The following LUZP2 variants were observed in gnomAD, a reference collection of about 807,000 sequenced individuals.
LUZP2 encodes leucine zipper protein 2.
A neutral mutation model predicts 51.6 loss-of-function variants in LUZP2; 52 were observed. The observed-to-expected ratio is 1.01, with a 90% CI of 0.81 to 1.27. LUZP2 has a LOEUF of 1.27. LUZP2 is among the 50% of genes most tolerant of loss of function. The pLI, the probability that LUZP2 is intolerant of heterozygous loss-of-function variation, is 0.00. For synonymous variants in LUZP2, 154 were observed against 137.3 expected, an observed-to-expected ratio of 1.12 and a Z score of -0.85; for missense variants, 436 against 395.4, an observed-to-expected ratio of 1.10 and a Z score of -0.87.
intron 4 of LUZP2, among the ~76,000 whole-genome samples, chr11:24,755,994 G>A (rs1004531910): frequency 1.3e-5 from 2 of 152,056 alleles, no homozygotes; most frequent in African/African-American, 2.4e-5. Context: ...AGAGACGTTT[G>A]CCATCTATTC....
intron 10 of LUZP2, among the ~76,000 whole-genome samples, chr11:25,053,247 C>A (rs553210769): frequency 1.8e-4 from 28 of 152,048 alleles, no homozygotes; most frequent in Admixed American, 5.9e-4. Flanking sequence ...ATAATTACAT[C>A]ATCATTATCA....
At chr11:24,607,979 G>A (rs866010910) in intron 1 of LUZP2, among the ~76,000 whole-genome samples, 1 of 152,042 alleles carries the variant, frequency 6.6e-6, no homozygotes, top group Non-Finnish European at 1.5e-5. Context: ...CTCCCGAGTA[G>A]CTGGGACTAC....
intron 1 of LUZP2, among the ~76,000 whole-genome samples, chr11:24,538,611 C>T (rs1422750109): frequency 2.7e-5 from 4 of 150,344 alleles, no homozygotes; most frequent in South Asian, 4.2e-4. Flanking sequence ...AACTATTCTA[C>T]AAAATACACA....
chr11:25,078,541 T>C lies in LUZP2; in HGVS notation c.937-13T>C. ...TTGATTCTTCGAATTGTCTTTTCTG[T>C]ATTGTTTAACAGAAATTGCAAATGC... On this transcript the variant is annotated splice_polypyrimidine_tract_variant and intron_variant, in intron 11 of 11. Coordinates refer to ENST00000336930, the MANE Select transcript of LUZP2 (RefSeq NM_001009909.4). 1 of 1,599,134 alleles carries C rather than the reference T, an allele frequency of 6.3e-7. No individual in the cohort carries two copies. The highest frequency in any genetic ancestry group is 8.5e-7 in the Non-Finnish European group (1 of 1,169,736).
chr11:24,837,542 T>C (rs11028208), intron 5 of LUZP2, among the ~76,000 whole-genome samples: 2,074 of 151,870 alleles, frequency 0.014, 52 homozygotes, highest in East Asian at 0.13. Flanking sequence ...TCTGCATTTT[T>C]AAAATAACTT....
intron 1 of LUZP2, among the ~76,000 whole-genome samples, chr11:24,516,644 C>G (rs12288442): frequency 0.26 from 38,876 of 151,932 alleles, 7,064 homozygotes; most frequent in African/African-American, 0.52. Flanking sequence ...TGAAGTTTTT[C>G]TGTGAGAAAG....
At chr11:24,925,291 T>G (rs956569549) in intron 7 of LUZP2, among the ~76,000 whole-genome samples, 1 of 152,070 alleles carries the variant, frequency 6.6e-6, no homozygotes, top group Non-Finnish European at 1.5e-5. Flanking sequence ...ACCCCCATCT[T>G]CTCATCTTGG....
chr11:24,534,458 A>G (rs1176502277), intron 1 of LUZP2, among the ~76,000 whole-genome samples: 2 of 149,052 alleles, frequency 1.3e-5, no homozygotes, highest in Admixed American at 1.4e-4. Flanking sequence ...AGAAAGATAG[A>G]GCATAAGCTA....
rs201006603 is a variant in LUZP2 at position 24,602,252 on chromosome 11, A to C, written c.62+104947A>C. ...CATATATGTGTATATATGTATATAT[A>C]TGCAAACATATATGTACATACATAT... On this transcript the variant is annotated intron_variant, in intron 1 of 11. Coordinates refer to ENST00000336930, the MANE Select transcript of LUZP2 (RefSeq NM_001009909.4). Among the ~76,000 whole-genome samples the C allele has an allele frequency of 2.0e-3, 159 of 80,144 alleles. 2 individuals carry two copies. The highest frequency in any genetic ancestry group is 0.018 in the East Asian group (77 of 4,346). The allele number at this position is 80,144 out of a possible 152,430, so 52.6% of individuals were successfully genotyped here. A position where few individuals can be genotyped will look rare whatever the true frequency, so the allele number is the denominator to read the frequency against.
chr11:24,580,866 C>A (rs1455301920), intron 1 of LUZP2, among the ~76,000 whole-genome samples: 3 of 152,022 alleles, frequency 2.0e-5, no homozygotes, highest in Admixed American at 6.6e-5. Context: ...TCTAGCATTA[C>A]AAACAGAATT....
chr11:24,775,442 C>T (rs909750668), intron 5 of LUZP2, among the ~76,000 whole-genome samples: 2 of 152,160 alleles, frequency 1.3e-5, no homozygotes, highest in Admixed American at 1.3e-4. Context: ...CCAATTGTTA[C>T]AGCCAAAGCA....
intron 1 of LUZP2, among the ~76,000 whole-genome samples, chr11:24,592,727 C>T (rs998339749): frequency 2.1e-4 from 32 of 151,114 alleles, no homozygotes; most frequent in African/African-American, 4.9e-4. Context: ...CTGAGTATCA[C>T]GCTCTTGATT....
At chr11:24,898,442 G>A (rs910769422) in intron 5 of LUZP2, among the ~76,000 whole-genome samples, 2 of 152,170 alleles carry the variant, frequency 1.3e-5, no homozygotes, top group African/African-American at 4.8e-5. Flanking sequence ...GACTAACACG[G>A]TGAAACCCCG....
intron 5 of LUZP2, among the ~76,000 whole-genome samples, chr11:24,843,930 G>T (rs548473627): frequency 1.3e-5 from 2 of 152,270 alleles, no homozygotes; most frequent in South Asian, 4.2e-4. Flanking sequence ...GGCCTCCCCA[G>T]CCATGTGAAA....
chr11:24,820,155 T>C (rs1243008134), intron 5 of LUZP2, among the ~76,000 whole-genome samples: 3 of 152,120 alleles, frequency 2.0e-5, no homozygotes, highest in Admixed American at 2.0e-4. Flanking sequence ...ATTGTTATAA[T>C]AGGTGAACGC....
intron 7 of LUZP2, among the ~76,000 whole-genome samples, chr11:24,923,666 C>A (rs900596458): frequency 1.3e-5 from 2 of 152,088 alleles, no homozygotes; most frequent in Admixed American, 6.5e-5. Context: ...CACTGCACTC[C>A]AGCCTGGCAC....
chr11:24,704,607 AATAT>A (rs146367882), intron 1 of LUZP2, among the ~76,000 whole-genome samples: 6 of 148,262 alleles, frequency 4.0e-5, no homozygotes, highest in Admixed American at 1.3e-4. Context: ...TATATGCAAG[AATAT>A]ATATATATAT....
At position 24,639,387 on chromosome 11, in the gene LUZP2, A is replaced by G. The variant is rs1855206681; in HGVS notation, c.63-89782A>G. ...AATTTTTTTCAGCTCATAGATATGT[A>G]ATTCTCTCTATTTTATGTTTCCCCT... On this transcript the variant is annotated intron_variant, in intron 1 of 11. Transcript: ENST00000336930. 2.6e-5 allele frequency among the ~76,000 whole-genome samples: 4 copies of G among 151,512 alleles called. No individual in the cohort carries two copies. The South Asian group carries it at 8.3e-4, about 32-fold the overall frequency.
intron 5 of LUZP2, among the ~76,000 whole-genome samples, chr11:24,810,301 A>T (rs1052229915): frequency 2.0e-5 from 3 of 152,160 alleles, no homozygotes; most frequent in Non-Finnish European, 2.9e-5. Context: ...TATTTAGCAT[A>T]TAAGTTGAGC....
Sources: gnomAD v4.1 joint callset for allele counts (sites outside exome capture counted in the v4.1 genomes callset) on GRCh38, gnomAD v4.1.1 for gene constraint, MANE v1.5 for transcripts, NCBI Gene and HGNC (gene_info 2026-07-23, HGNC 2026-07-21) for gene names.